The following ACTN4 variants were observed in gnomAD, a reference collection of about 807,000 sequenced individuals.
The protein encoded by ACTN4 is alpha-actinin-4.
A neutral mutation model predicts 114.2 loss-of-function variants in ACTN4; 18 were observed. That is an observed-to-expected ratio of 0.16 (90% CI 0.11 to 0.23). ACTN4 has a LOEUF of 0.23. Ranked by LOEUF, ACTN4 falls within the 10% of genes least tolerant of loss-of-function variation. ACTN4 has a pLI of 1.00. For synonymous variants in ACTN4, 515 were observed against 506.3 expected (o/e 1.02, Z -0.23); for missense variants, 722 against 1,262.9 (o/e 0.57, Z 6.49).
At chr19:38,711,617 T>C (rs1230668205) in intron 8 of ACTN4, among the ~76,000 whole-genome samples, 2 of 152,190 alleles carry the variant, frequency 1.3e-5, no homozygotes, top group Non-Finnish European at 2.9e-5. Context: ...GGTGGTGGCA[T>C]CCTAGGCTCT....
intron 1 of ACTN4, among the ~76,000 whole-genome samples, chr19:38,684,691 C>T (rs1335502189): frequency 6.6e-6 from 1 of 152,150 alleles, no homozygotes; most frequent in African/African-American, 2.4e-5. Context: ...AGGTTTCAGT[C>T]TCTACTGGTT....
At position 38,698,584 on chromosome 19, in the gene ACTN4, A is replaced by G. The variant is rs138542012; in HGVS notation, c.163-2016A>G. 8.6e-3 allele frequency among the ~76,000 whole-genome samples: 1,314 copies of G among 152,356 alleles called. 5 individuals are homozygous for G. The highest frequency in any genetic ancestry group is 0.014 in the Non-Finnish European group (920 of 68,032). Reference sequence around the variant, plus strand: ...GAGGCAGAACCGGGTCAGGGAGGCCATGGTGCGGGTACCCTCCAGGCACGG... The same window carrying G: ...GAGGCAGAACCGGGTCAGGGAGGCCGTGGTGCGGGTACCCTCCAGGCACGG... On this transcript the variant is annotated intron_variant, in intron 1 of 20. Coordinates refer to ENST00000252699, the MANE Select transcript of ACTN4 (RefSeq NM_004924.6).
intron 11 of ACTN4, among the ~76,000 whole-genome samples, chr19:38,720,346 G>A (rs980050899): frequency 2.0e-5 from 3 of 152,222 alleles, no homozygotes; most frequent in African/African-American, 4.8e-5. Flanking sequence ...ACATCCTCTC[G>A]GTGCACCCTT....
At chr19:38,718,344 T>C in intron 11 of ACTN4, 1 of 608,134 alleles carries the variant, frequency 1.6e-6, no homozygotes, top group Non-Finnish European at 3.0e-6. Context: ...CTGGGCAACA[T>C]AGCGAGACCC....
Position 38,674,990 on chromosome 19 carries a change from G to A in ACTN4, c.163-25610G>A, listed in dbSNP as rs146292452. Among the ~76,000 whole-genome samples the A allele has an allele frequency of 1.3e-4, 20 of 152,288 alleles. No individual in the cohort carries two copies. In the South Asian group the frequency reaches 2.9e-3, roughly 22 times the overall value. On this transcript the variant is annotated intron_variant, in intron 1 of 20. Transcript: ENST00000252699. ...GGAGACAAGCATGTGGCTGAATGAC[G>A]TATCTGGGGGAAGCTGTCTAAACAG... is the stretch of plus-strand genomic sequence containing the variant.
intron 5 of ACTN4, among the ~76,000 whole-genome samples, chr19:38,706,814 G>A (rs1179334557): frequency 6.6e-6 from 1 of 152,244 alleles, no homozygotes; most frequent in East Asian, 1.9e-4. Context: ...TGGCTGCTAA[G>A]ATGAACAAGC....
chr19:38,659,350 C>T (rs1976810958), intron 1 of ACTN4, among the ~76,000 whole-genome samples: 1 of 152,114 alleles, frequency 6.6e-6, no homozygotes, highest in African/African-American at 2.4e-5. Context: ...AGCCACCGCG[C>T]CCAGCCCCTT....
At chr19:38,718,735 G>A (rs1361003797) in intron 11 of ACTN4, among the ~76,000 whole-genome samples, 1 of 152,174 alleles carries the variant, frequency 6.6e-6, no homozygotes, top group Non-Finnish European at 1.5e-5. Flanking sequence ...CCCTCTGCGT[G>A]TCTTCCCCAT....
intron 1 of ACTN4, among the ~76,000 whole-genome samples, chr19:38,666,983 T>A (rs1182369292): frequency 1.3e-5 from 2 of 152,182 alleles, no homozygotes; most frequent in East Asian, 3.9e-4. Flanking sequence ...GTGCCAGGTC[T>A]TTCAAATTGC....
At chr19:38,709,554 G>A in intron 7 of ACTN4, 78 bp downstream of exon 7, 1 of 1,289,216 alleles carries the variant, frequency 7.8e-7, no homozygotes, top group South Asian at 1.2e-5. Flanking sequence ...CGGGCAAGGG[G>A]CTGTGGGCAC....
intron 1 of ACTN4, among the ~76,000 whole-genome samples, chr19:38,671,467 G>T (rs140359552): frequency 6.6e-6 from 1 of 152,176 alleles, no homozygotes. Context: ...GACAGAAATA[G>T]TTTCTTTAGG....
intron 1 of ACTN4, among the ~76,000 whole-genome samples, chr19:38,655,590 G>A (rs1286210267): frequency 6.6e-6 from 1 of 152,140 alleles, no homozygotes; most frequent in African/African-American, 2.4e-5. Flanking sequence ...TCTTGGCTCT[G>A]TGTGTCATCC....
At chr19:38,664,560 A>G (rs1333516860) in intron 1 of ACTN4, among the ~76,000 whole-genome samples, 3 of 152,152 alleles carry the variant, frequency 2.0e-5, no homozygotes, top group African/African-American at 7.2e-5. Context: ...ATCCTAAAGG[A>G]TTAGACTGCC....
In ACTN4 at chr19:38,717,847, C is replaced by A; in HGVS notation, c.1144-80C>A. On this transcript the variant is annotated intron_variant, in intron 10 of 20. Coordinates refer to ENST00000252699, the MANE Select transcript of ACTN4 (RefSeq NM_004924.6). The surrounding 1 kb of genome is among the most constrained non-coding windows in gnomAD (Gnocchi z 4.0). ...ACCCCAGCCAAGTTCTGCCACCTTC[C>A]CATCAGCATCCCTTGGAGACATCCC... is the stretch of plus-strand genomic sequence containing the variant. The A allele has an allele frequency of 6.5e-7, 1 of 1,538,192 alleles. No individual in the cohort carries two copies. Among genetic ancestry groups the A allele is most frequent in the Non-Finnish European group, 8.8e-7 (1 of 1,137,590 alleles).
At chr19:38,648,424 G>T (rs889953107) in intron 1 of ACTN4, among the ~76,000 whole-genome samples, 2 of 151,908 alleles carry the variant, frequency 1.3e-5, no homozygotes, top group Non-Finnish European at 2.9e-5. Context: ...TCAGGTTGGG[G>T]GAGTTATAAA....
intron 1 of ACTN4, among the ~76,000 whole-genome samples, chr19:38,659,942 T>G (rs1976831583): frequency 7.0e-6 from 1 of 142,130 alleles, no homozygotes; most frequent in Admixed American, 7.2e-5. Context: ...TTTTTTGAGT[T>G]GGAGTCTTGC....
In ACTN4 at chr19:38,729,587, C is replaced by CCTCT; in HGVS notation, c.*162_*165dup. 1 of 1,067,438 alleles carries CCTCT rather than the reference C, an allele frequency of 9.4e-7. No homozygotes were observed. The highest frequency in any genetic ancestry group is 1.4e-6 in the Non-Finnish European group (1 of 719,464). The allele number at this position is 1,067,438 out of a possible 1,614,324, so 66.1% of individuals were successfully genotyped here. On this transcript the variant is annotated 3_prime_UTR_variant, in exon 21 of 21. Transcript: ENST00000252699. ...AGGGAGGGGCTGGGGCAGGCTCTCT[C>CCTCT]CTCTCTCTCTTTGTGGGTTGGCCAG...
intron 6 of ACTN4, 124 bp downstream of exon 6, chr19:38,708,319 G>T (rs1259399215): frequency 1.8e-6 from 2 of 1,091,320 alleles, no homozygotes; most frequent in Non-Finnish European, 2.8e-6. Context: ...ACGCAGATGG[G>T]CAGCCTGGGA....
chr19:38,658,537 T>G (rs138013720), intron 1 of ACTN4, among the ~76,000 whole-genome samples: 1 of 152,342 alleles, frequency 6.6e-6, no homozygotes, highest in African/African-American at 2.4e-5. Flanking sequence ...ATATATTGGA[T>G]GAAAATATTA....
Sources: gnomAD v4.1 joint callset for allele counts (sites outside exome capture counted in the v4.1 genomes callset) on GRCh38, gnomAD v4.1.1 for gene constraint, Gnocchi (gnomAD v3.1) non-coding constraint, MANE v1.5 for transcripts, NCBI Gene and HGNC (gene_info 2026-07-23, HGNC 2026-07-21) for gene names.